LANCL2: variants seen among roughly 807,000 people sequenced by gnomAD.
LANCL2 encodes LanC like glutathione S-transferase 2.
LANCL2 carries 33 observed loss-of-function variants against 56.9 expected under a neutral mutation model. That is an observed-to-expected ratio of 0.58 (90% CI 0.44 to 0.78). The LOEUF (loss-of-function observed/expected upper bound fraction) is 0.78. LANCL2 is among the 30% of genes least tolerant of loss of function. LANCL2 has a pLI of 0.00. For missense variants in LANCL2, 562 were observed against 580.2 expected (o/e 0.97, Z 0.32); for synonymous variants, 233 against 228.2 (o/e 1.02, Z -0.19).
chr7:55,420,317 A>G (rs1437991012), intron 6 of LANCL2, among the ~76,000 whole-genome samples: 1 of 151,994 alleles, frequency 6.6e-6, no homozygotes, highest in African/African-American at 2.4e-5. Flanking sequence ...CTTTTGATTC[A>G]TGGGTTATTT....
intron 5 of LANCL2, among the ~76,000 whole-genome samples, chr7:55,407,096 G>A (rs1467784657): frequency 6.6e-6 from 1 of 152,226 alleles, no homozygotes; most frequent in Admixed American, 6.5e-5. Context: ...TTGGACCTCT[G>A]TGAGCACCTG....
At chr7:55,399,713 G>A (rs1790298961) in intron 3 of LANCL2, among the ~76,000 whole-genome samples, 2 of 152,066 alleles carry the variant, frequency 1.3e-5, no homozygotes, top group Non-Finnish European at 2.9e-5. Flanking sequence ...AAATTTTATG[G>A]TTTAAAATAG....
At chr7:55,385,158 G>A (rs6593241) in intron 1 of LANCL2, among the ~76,000 whole-genome samples, 53,366 of 151,910 alleles carry the variant, frequency 0.35, 9,850 homozygotes, top group African/African-American at 0.42. Context: ...TTGCACTCCA[G>A]CCTGGGTGAC....
intron 1 of LANCL2, among the ~76,000 whole-genome samples, chr7:55,378,337 A>G (rs1272939811): frequency 1.3e-5 from 2 of 151,922 alleles, no homozygotes; most frequent in Admixed American, 1.3e-4. Flanking sequence ...GCGCATGCCT[A>G]TAATCCTAGC....
chr7:55,380,253 G>T (rs6947083), intron 1 of LANCL2, among the ~76,000 whole-genome samples: 135,830 of 152,222 alleles, frequency 0.89, 60,902 homozygotes, highest in African/African-American at 0.95. Context: ...TATGCACGTT[G>T]AAATCCTCTT....
chr7:55,380,239 TA>T (rs1790050924), intron 1 of LANCL2, among the ~76,000 whole-genome samples: 1 of 152,204 alleles, frequency 6.6e-6, no homozygotes, highest in Non-Finnish European at 1.5e-5. Flanking sequence ...TATATGCCTG[TA>T]AATATGCACG....
At chr7:55,411,189 A>G (rs1259605561) in intron 5 of LANCL2, among the ~76,000 whole-genome samples, 1 of 152,254 alleles carries the variant, frequency 6.6e-6, no homozygotes, top group African/African-American at 2.4e-5. Context: ...GGGAAGCTGT[A>G]CAGTAACTTG....
chr7:55,365,865 G>A lies in LANCL2; in HGVS notation c.-161G>A, dbSNP rs962188991. 1 of 498,492 alleles carries A rather than the reference G, an allele frequency of 2.0e-6. No individual in the cohort carries two copies. Among genetic ancestry groups the A allele is most frequent in the Non-Finnish European group, 3.4e-6 (1 of 290,340 alleles). The allele number at this position is 498,492 out of a possible 1,614,324, so 30.9% of individuals were successfully genotyped here. On this transcript the variant is annotated 5_prime_UTR_variant, in exon 1 of 9. Transcript: ENST00000254770. ...CTGATGTGCGAGCAGCCCGCGACGA[G>A]GCAGTGCACGCTCAGACGCCCCGCT...
intron 1 of LANCL2, among the ~76,000 whole-genome samples, chr7:55,384,598 GCC>G (rs1274499507): frequency 2.0e-5 from 3 of 151,878 alleles, no homozygotes; most frequent in Non-Finnish European, 4.4e-5. Flanking sequence ...GATGCAGAAT[GCC>G]CCTCAAAACA....
In LANCL2 at chr7:55,365,899, C is replaced by A; in HGVS notation, c.-127C>A. The stretch of plus-strand genomic sequence containing the variant: ...CGCTCAGACGCCCCGCTCCTCCCGC[C>A]AGCGCGCGGCCTCGCTCCTCCTAGA... On this transcript the variant is annotated 5_prime_UTR_variant, in exon 1 of 9. Coordinates refer to ENST00000254770, the MANE Select transcript of LANCL2 (RefSeq NM_018697.4). 1.5e-6 allele frequency: 1 copy of A among 673,762 alleles called. No homozygotes were observed. Among genetic ancestry groups the A allele is most frequent in the Non-Finnish European group, 2.3e-6 (1 of 438,184 alleles). 41.7% of individuals were successfully genotyped at this position (673,762 alleles called of 1,614,324 possible). A position where few individuals can be genotyped will look rare whatever the true frequency, so the allele number is the denominator to read the frequency against.
At chr7:55,367,965 CTTAG>C (rs1421500744) in intron 1 of LANCL2, among the ~76,000 whole-genome samples, 2 of 152,168 alleles carry the variant, frequency 1.3e-5, no homozygotes, top group African/African-American at 4.8e-5. Flanking sequence ...TCATTTGTGA[CTTAG>C]TGTTTCATTT....
At chr7:55,401,133 A>T (rs369108902) in intron 4 of LANCL2, 41 bp from the exon 5 acceptor site, 1 of 1,567,550 alleles carries the variant, frequency 6.4e-7, no homozygotes, top group Non-Finnish European at 8.8e-7. Flanking sequence ...AACAGGGTAC[A>T]TATACAGTTT....
At position 55,433,407 on chromosome 7, in the gene LANCL2, G is replaced by C. The variant is rs1167655726; in HGVS notation, c.*2087G>C. On this transcript the variant is annotated 3_prime_UTR_variant, in exon 9 of 9. Coordinates refer to ENST00000254770, the MANE Select transcript of LANCL2 (RefSeq NM_018697.4). The stretch of plus-strand genomic sequence containing the variant: ...GATGTCATCAGAGGTGCTGTTCCGT[G>C]GTTCTGCATTAACCCCTGCCTCATG... 1 of 152,194 alleles carries C rather than the reference G, an allele frequency of 6.6e-6. No individual in the cohort carries two copies. The highest frequency in any genetic ancestry group is 1.5e-5 in the Non-Finnish European group (1 of 68,044). 9.4% of individuals were successfully genotyped at this position (152,194 alleles called of 1,614,324 possible).
At chr7:55,390,204 A>C (rs1790170250) in intron 1 of LANCL2, among the ~76,000 whole-genome samples, 2 of 150,424 alleles carry the variant, frequency 1.3e-5, no homozygotes, top group East Asian at 1.9e-4. Flanking sequence ...TAATAACAGA[A>C]CTTCCAAATA....
intron 2 of LANCL2, among the ~76,000 whole-genome samples, chr7:55,392,765 CT>C (rs937665632): frequency 4.6e-5 from 7 of 151,712 alleles, no homozygotes; most frequent in African/African-American, 1.2e-4. Flanking sequence ...TCTAGTGTGT[CT>C]TTTTTTTATA....
intron 2 of LANCL2, among the ~76,000 whole-genome samples, chr7:55,392,668 A>G (rs1790205667): frequency 1.3e-5 from 2 of 152,044 alleles, no homozygotes; most frequent in Admixed American, 1.3e-4. Flanking sequence ...CTTTTAATTG[A>G]GGTCTTGCTC....
chr7:55,414,627 T>G (rs1790506140), intron 6 of LANCL2, among the ~76,000 whole-genome samples: 1 of 152,152 alleles, frequency 6.6e-6, no homozygotes, highest in Admixed American at 6.5e-5. Flanking sequence ...TACTCTTCTG[T>G]GTAGGAACGT....
intron 5 of LANCL2, among the ~76,000 whole-genome samples, chr7:55,402,116 G>A (rs1309302741): frequency 4.4e-4 from 64 of 144,156 alleles, no homozygotes; most frequent in East Asian, 1.3e-3. Flanking sequence ...CAGTAGGGGC[G>A]GCCGGGCAGA....
At chr7:55,386,180 T>C (rs969045761) in intron 1 of LANCL2, among the ~76,000 whole-genome samples, 1 of 152,192 alleles carries the variant, frequency 6.6e-6, no homozygotes, top group Admixed American at 6.5e-5. Flanking sequence ...TGAGATGATA[T>C]ACATCCTTCT....
Sources: allele counts gnomAD v4.1 joint callset (sites outside exome capture counted in the v4.1 genomes callset), GRCh38; gene constraint gnomAD v4.1.1; transcripts MANE v1.5; gene names NCBI Gene and HGNC (gene_info 2026-07-23, HGNC 2026-07-21).